The following PLEKHM3 variants were observed in gnomAD, a reference collection of about 807,000 sequenced individuals.
The protein encoded by PLEKHM3 is pleckstrin homology domain containing M3, also known as pleckstrin homology domain-containing family M member 3.
A neutral mutation model predicts 81.8 loss-of-function variants in PLEKHM3; 45 were observed. The observed-to-expected ratio is 0.55, with a 90% CI of 0.43 to 0.71. The LOEUF is 0.71. Ranked by LOEUF, PLEKHM3 falls within the 30% of genes least tolerant of loss-of-function variation. PLEKHM3 has a pLI of 0.00. For synonymous variants in PLEKHM3, 352 were observed against 356.4 expected (o/e 0.99, Z 0.14); for missense variants, 788 against 924.3 (o/e 0.85, Z 1.91).
chr2:207,981,691 A>T (rs779810124), intron 2 of PLEKHM3, among the ~76,000 whole-genome samples: 30 of 152,174 alleles, frequency 2.0e-4, no homozygotes, highest in Non-Finnish European at 4.0e-4. Context: ...ATCAGAAGCT[A>T]TGTATTTAAA....
chr2:207,845,849 T>G (rs1472346142), intron 7 of PLEKHM3, among the ~76,000 whole-genome samples: 1 of 152,326 alleles, frequency 6.6e-6, no homozygotes, highest in South Asian at 2.1e-4. Context: ...GGAGCTTACA[T>G]TATTTCAAAA....
At chr2:207,830,395 C>T (rs1272301178) in intron 7 of PLEKHM3, among the ~76,000 whole-genome samples, 2 of 152,016 alleles carry the variant, frequency 1.3e-5, no homozygotes, top group Non-Finnish European at 2.9e-5. Context: ...GAGCGGATCA[C>T]CCGAGGTCAG....
chr2:207,977,552 C>G lies in PLEKHM3; in HGVS notation c.645G>C (p.Lys215Asn), dbSNP rs115156379. 0.016 allele frequency: 25,376 copies of G among 1,611,430 alleles called. 260 individuals are homozygous for G. Among genetic ancestry groups the G allele is most frequent in the Non-Finnish European group, 0.019 (22,842 of 1,178,990 alleles). The change falls in exon 3 of 8, where the codon AAG becomes AAC. Residue 215 changes from lysine to asparagine, a missense_variant. Physicochemically the swap from Lys to Asn is moderately conservative, Grantham distance 94. Coordinates refer to ENST00000427836, the MANE Select transcript of PLEKHM3 (RefSeq NM_001080475.3). ...GGTCCTTTCTAATCTCCAGGTAACC[C>G]TTCTTTAGAATGTTTGGGAATGTCT... ...HKQTFPNILK[K>N]GYLEIRKDHD...
chr2:207,907,178 T>G (rs982713128), intron 6 of PLEKHM3, among the ~76,000 whole-genome samples: 1 of 152,192 alleles, frequency 6.6e-6, no homozygotes, highest in African/African-American at 2.4e-5. Flanking sequence ...GGCCAGTTTC[T>G]TCCTAGCTGC....
chr2:207,861,484 T>C (rs1279048725), intron 6 of PLEKHM3, among the ~76,000 whole-genome samples: 3 of 152,182 alleles, frequency 2.0e-5, no homozygotes, highest in Non-Finnish European at 2.9e-5. Context: ...ACTTCTTTTG[T>C]ATTCCTCTTG....
intron 7 of PLEKHM3, among the ~76,000 whole-genome samples, chr2:207,840,383 G>A (rs2092343489): frequency 6.6e-6 from 1 of 152,050 alleles, no homozygotes; most frequent in African/African-American, 2.4e-5. Context: ...TTTTTGCAGA[G>A]ACAAGTTTCT....
intron 3 of PLEKHM3, among the ~76,000 whole-genome samples, chr2:207,964,566 G>A (rs1449882216): frequency 6.6e-6 from 1 of 152,132 alleles, no homozygotes; most frequent in Non-Finnish European, 1.5e-5. Flanking sequence ...TGGAGGGGAA[G>A]GCGGTCAATA....
chr2:208,014,345 A>G (rs1183578449), intron 1 of PLEKHM3, among the ~76,000 whole-genome samples: 1 of 152,250 alleles, frequency 6.6e-6, no homozygotes, highest in Non-Finnish European at 1.5e-5. Flanking sequence ...GGTATGAAGG[A>G]TAAGAATAGT....
chr2:207,972,719 T>C (rs1691171315), intron 3 of PLEKHM3, among the ~76,000 whole-genome samples: 1 of 152,188 alleles, frequency 6.6e-6, no homozygotes, highest in Admixed American at 6.5e-5. Flanking sequence ...AGTACACATT[T>C]AAGAAATATA....
At chr2:207,992,398 T>C (rs1691927510) in intron 2 of PLEKHM3, among the ~76,000 whole-genome samples, 1 of 152,190 alleles carries the variant, frequency 6.6e-6, no homozygotes. Flanking sequence ...GGGCATAAAA[T>C]TATCGCTCAT....
At chr2:207,948,772 T>C (rs1016637203) in intron 3 of PLEKHM3, among the ~76,000 whole-genome samples, 1 of 151,354 alleles carries the variant, frequency 6.6e-6, no homozygotes, top group African/African-American at 2.5e-5. Flanking sequence ...CTCGATCTCC[T>C]GACCTCGTGA....
At chr2:207,959,337 C>T (rs940270460) in intron 3 of PLEKHM3, among the ~76,000 whole-genome samples, 2 of 152,176 alleles carry the variant, frequency 1.3e-5, no homozygotes, top group African/African-American at 4.8e-5. Context: ...TCCCCAGTTA[C>T]ATCTCTCTTT....
At chr2:207,926,346 G>A (rs1422519070) in intron 5 of PLEKHM3, among the ~76,000 whole-genome samples, 1 of 152,166 alleles carries the variant, frequency 6.6e-6, no homozygotes, top group Non-Finnish European at 1.5e-5. Context: ...ATCCCTGTGA[G>A]GCCAAACAAA....
rs2092242163 is a variant in PLEKHM3, at chr2:207,825,279, G to A, written c.*3040C>T. 1 of 152,078 alleles carries A rather than the reference G, an allele frequency of 6.6e-6. No individual in the cohort carries two copies. Among genetic ancestry groups the A allele is most frequent in the African/African-American group, 2.4e-5 (1 of 41,408 alleles). 9.4% of individuals were successfully genotyped at this position (152,078 alleles called of 1,614,324 possible). On this transcript the variant is annotated 3_prime_UTR_variant, in exon 8 of 8. Coordinates refer to ENST00000427836, the MANE Select transcript of PLEKHM3 (RefSeq NM_001080475.3). ...TGGACGATCTCACACATGAGTTTCT[G>A]GCACTTTTAGGAGGGATTTCCTCAA...
intron 5 of PLEKHM3, among the ~76,000 whole-genome samples, chr2:207,909,558 A>G (rs1272701762): frequency 2.0e-5 from 3 of 152,250 alleles, no homozygotes; most frequent in Non-Finnish European, 4.4e-5. Context: ...AGGGAAAGAC[A>G]CATAAGCTGA....
chr2:207,980,565 CT>C (rs1193278707), intron 2 of PLEKHM3, among the ~76,000 whole-genome samples: 1 of 151,944 alleles, frequency 6.6e-6, no homozygotes, highest in Non-Finnish European at 1.5e-5. Flanking sequence ...AGGAAATGGC[CT>C]TTTATTTATT....
intron 7 of PLEKHM3, among the ~76,000 whole-genome samples, chr2:207,841,480 A>AATAAATATAT (rs2092353365): frequency 2.7e-5 from 1 of 37,432 alleles, no homozygotes; most frequent in Non-Finnish European, 4.6e-5. Flanking sequence ...AAAAAAAAAA[A>AATAAATATAT]ATATATATAT....
intron 2 of PLEKHM3, among the ~76,000 whole-genome samples, chr2:207,981,962 T>C (rs1282347387): frequency 6.6e-6 from 1 of 152,194 alleles, no homozygotes; most frequent in Non-Finnish European, 1.5e-5. Context: ...GGTCCACTTA[T>C]ACCTGGATTT....
At chr2:207,852,131 CA>C (rs1027238375) in intron 7 of PLEKHM3, among the ~76,000 whole-genome samples, 1 of 152,056 alleles carries the variant, frequency 6.6e-6, no homozygotes, top group Admixed American at 6.5e-5. Context: ...ACAATTTTTT[CA>C]AATTGATTTT....
Sources: gnomAD v4.1 joint callset for allele counts (sites outside exome capture counted in the v4.1 genomes callset) on GRCh38, gnomAD v4.1.1 for gene constraint, MANE v1.5 for transcripts, NCBI Gene and HGNC (gene_info 2026-07-23, HGNC 2026-07-21) for gene names.